USP16: variants seen among roughly 807,000 people sequenced by gnomAD.
USP16 encodes the protein ubiquitin carboxyl-terminal hydrolase 16.
Under a neutral mutation model 95.9 loss-of-function variants are expected in USP16, and 77 were observed. That is an observed-to-expected ratio of 0.80 (90% confidence interval 0.67 to 0.97). The LOEUF (loss-of-function observed/expected upper bound fraction) is 0.97, where lower values mean the gene tolerates loss of function less well. Among genes scored for constraint, USP16 ranks in the 50% least tolerant of loss-of-function variants. The probability of loss-of-function intolerance (pLI) is 0.00; values close to 1 mark genes in which losing one functional copy is unlikely to be tolerated. For synonymous variants in USP16, 303 were observed against 318.2 expected, an observed-to-expected ratio of 0.95 and a Z score of 0.51; for missense variants, 943 against 959.9, an observed-to-expected ratio of 0.98 and a Z score of 0.23.
intron 14 of USP16, among the ~76,000 whole-genome samples, chr21:29,048,090 T>C (rs2146395855): frequency 6.8e-6 from 1 of 147,092 alleles, no homozygotes; most frequent in African/African-American, 2.6e-5. Flanking sequence ...TGTGTGTGTG[T>C]GTGTGTGTTT....
chr21:29,042,327 G>T, intron 11 of USP16, 145 bp from the exon 12 acceptor site: 1 of 897,572 alleles, frequency 1.1e-6, no homozygotes. Flanking sequence ...CCTCAATGTT[G>T]TGTAATTTTT....
intron 8 of USP16, 44 bp downstream of exon 8, chr21:29,039,200 G>C: frequency 7.2e-7 from 1 of 1,394,200 alleles, no homozygotes; most frequent in Non-Finnish European, 9.3e-7. Context: ...TCAGTGAGAT[G>C]CTGAGAAATA....
Position 29,048,859 on chromosome 21 carries a change from C to T in USP16, c.2106+4C>T. 6.2e-7 allele frequency: 1 copy of T among 1,607,896 alleles called. No individual in the cohort carries two copies. The highest frequency in any genetic ancestry group is 8.5e-7 in the Non-Finnish European group (1 of 1,177,172). The stretch of plus-strand genomic sequence containing the variant: ...TCATTTAAAGAGATTTCAGCAGGTA[C>T]TCCTTGTTACCCAAAATTTGTTTTA... On this transcript the variant is annotated splice_donor_region_variant and intron_variant, in intron 15 of 17. Coordinates refer to ENST00000399976, the MANE Select transcript of USP16 (RefSeq NM_006447.3).
intron 4 of USP16, 56 bp downstream of exon 4, chr21:29,034,996 G>A (rs1345583396): frequency 2.5e-5 from 37 of 1,502,266 alleles, no homozygotes; most frequent in Non-Finnish European, 3.4e-5. Context: ...ATTAGAGAAT[G>A]GAAATGTTTA....
At chr21:29,033,464 G>A (rs977015232) in intron 3 of USP16, among the ~76,000 whole-genome samples, 6 of 152,238 alleles carry the variant, frequency 3.9e-5, no homozygotes, top group African/African-American at 1.2e-4. Flanking sequence ...ACGACCGGTT[G>A]TTGTACTGTG....
Position 29,049,094 on chromosome 21 carries a change from T to C in USP16, c.2106+239T>C, listed in dbSNP as rs1489456427. On this transcript the variant is annotated intron_variant, in intron 15 of 17. Coordinates refer to ENST00000399976, the MANE Select transcript of USP16 (RefSeq NM_006447.3). ...ATTTATGTCCCTCTTTTTAGTACGA[T>C]TGGCATCTTACTTTTATTTCAGGTT... Among the ~76,000 whole-genome samples the C allele has an allele frequency of 2.6e-5, 4 of 152,126 alleles. No individual in the cohort carries two copies. The East Asian group carries it at 7.7e-4, about 29-fold the overall frequency.
At chr21:29,030,840 T>A (rs1475033989) in intron 3 of USP16, 67 bp downstream of exon 3, 3 of 1,502,614 alleles carry the variant, frequency 2.0e-6, no homozygotes, top group African/African-American at 1.4e-5. Flanking sequence ...TAGAAGGTAT[T>A]ACCTGAAAGT....
intron 1 of USP16, among the ~76,000 whole-genome samples, chr21:29,025,189 A>G (rs2084968731): frequency 6.6e-6 from 1 of 152,186 alleles, no homozygotes; most frequent in South Asian, 2.1e-4. Context: ...GACTATATCT[A>G]GGAGGGGATT....
chr21:29,052,303 C>G (rs2085427794), intron 16 of USP16: 1 of 152,186 alleles, frequency 6.6e-6, no homozygotes, highest in Admixed American at 6.6e-5. Context: ...ACAAGATATA[C>G]TGGGCAAGAC....
At chr21:29,042,390 C>T (rs1400082949) in intron 11 of USP16, 82 bp from the exon 12 acceptor site, 8 of 1,355,058 alleles carry the variant, frequency 5.9e-6, no homozygotes, top group Non-Finnish European at 8.2e-6. Context: ...CCCCTACTCC[C>T]CATCCCACAG....
Position 29,024,766 on chromosome 21 carries a change from C to A in USP16, c.-53C>A, listed in dbSNP as rs1280378309. Reference sequence around the variant, plus strand: ...CCATGAGGGGATGCAGTTATGGGCTCTGTCGCCGTGGGTGAGTTCTGGTCC... The same window carrying A: ...CCATGAGGGGATGCAGTTATGGGCTATGTCGCCGTGGGTGAGTTCTGGTCC... On this transcript the variant is annotated 5_prime_UTR_variant, in exon 1 of 18. In the 5' UTR this introduces an upstream ATG that the reference lacks. Coordinates refer to ENST00000399976, the MANE Select transcript of USP16 (RefSeq NM_006447.3). 1 of 1,288,364 alleles carries A rather than the reference C, an allele frequency of 7.8e-7. No individual in the cohort carries two copies. The highest frequency in any genetic ancestry group is 1.2e-5 in the South Asian group (1 of 80,978). 79.8% of individuals were successfully genotyped at this position (1,288,364 alleles called of 1,614,324 possible).
Position 29,046,657 on chromosome 21 carries a change from T to C in USP16, c.1357-10T>C, listed in dbSNP as rs754774959. On this transcript the variant is annotated splice_polypyrimidine_tract_variant and intron_variant, in intron 13 of 17. Coordinates refer to ENST00000399976, the MANE Select transcript of USP16 (RefSeq NM_006447.3). Reference sequence around the variant, plus strand: ...TCTTTATTTTTTGATGCCGTATACTTTTTACCCAGAACCAACGAAGACAAC... The same window carrying C: ...TCTTTATTTTTTGATGCCGTATACTCTTTACCCAGAACCAACGAAGACAAC... 10 of 1,589,002 alleles carry C rather than the reference T, an allele frequency of 6.3e-6. No homozygotes were observed. Among genetic ancestry groups the C allele is most frequent in the Non-Finnish European group, 7.7e-6 (9 of 1,171,446 alleles).
chr21:29,033,787 G>A (rs1187944439), intron 3 of USP16, among the ~76,000 whole-genome samples: 1 of 152,136 alleles, frequency 6.6e-6, no homozygotes, highest in Non-Finnish European at 1.5e-5. Flanking sequence ...AGGAATTCAT[G>A]CCATGTTTTA....
At position 29,039,068 on chromosome 21, in the gene USP16, T is replaced by A; in HGVS notation, c.775T>A (p.Leu259Ile). 3 of 1,586,470 alleles carry A rather than the reference T, an allele frequency of 1.9e-6. No homozygotes were observed. The highest frequency in any genetic ancestry group is 2.6e-6 in the Non-Finnish European group (3 of 1,164,734). Residue 259 changes from leucine (L) to isoleucine (I), a missense_variant, in exon 8 of 18, where the codon TTA becomes ATA. Leu to Ile is a conservative substitution (Grantham distance 5, BLOSUM62 2). Transcript: ENST00000399976. ...CCTTGAGCCTCCAGGCCCTCTTACT[T>A]TAGCCATGAGCCAGTTTCTTAATGA... ...INLEPPGPLT[L>I]AMSQFLNEMQ... is the part of the protein sequence containing the mutation.
In USP16 at chr21:29,048,780, C is replaced by T; in HGVS notation, c.2031C>T (p.Tyr677=). The T allele has an allele frequency of 6.2e-7, 1 of 1,613,684 alleles. No homozygotes were observed. The highest frequency in any genetic ancestry group is 1.7e-5 in the Admixed American group (1 of 59,990). ...CTTTAGGTGAAAGGAAGCATGTTTACACCAATGCCAAAAAGCAGATGCTAA... is the reference window on the plus strand; with the variant it reads ...CTTTAGGTGAAAGGAAGCATGTTTATACCAATGCCAAAAAGCAGATGCTAA... ...ANIKGERKHV[Y]TNAKKQMLIS... is the part of the protein sequence containing the mutation. The change falls in exon 15 of 18, where the codon TAC becomes TAT. Residue 677 remains tyrosine, a synonymous_variant. Coordinates refer to ENST00000399976, the MANE Select transcript of USP16 (RefSeq NM_006447.3).
chr21:29,050,016 C>G, intron 15 of USP16, 76 bp from the exon 16 acceptor site: 1 of 1,290,876 alleles, frequency 7.7e-7, no homozygotes, highest in Non-Finnish European at 1.1e-6. Flanking sequence ...TTTTGGACGT[C>G]GGAGGGGACT....
At chr21:29,034,608 C>T (rs1380102239) in intron 3 of USP16, among the ~76,000 whole-genome samples, 1 of 152,012 alleles carries the variant, frequency 6.6e-6, no homozygotes, top group East Asian at 1.9e-4. Flanking sequence ...TGAGCCACCG[C>T]GCCTAGCGAG....
rs766459264 is a variant in USP16 at position 29,039,587 on chromosome 21, T to C, written c.951+19T>C. On this transcript the variant is annotated intron_variant, in intron 9 of 17. Transcript: ENST00000399976. Reference sequence around the variant, plus strand: ...ACACCAAGTTAGCATGTTATGACCATTGTATTTTATGATCTTATCTTCATA... The same window carrying C: ...ACACCAAGTTAGCATGTTATGACCACTGTATTTTATGATCTTATCTTCATA... The C allele has an allele frequency of 6.2e-7, 1 of 1,603,780 alleles. No individual in the cohort carries two copies. The highest frequency in any genetic ancestry group is 1.1e-5 in the South Asian group (1 of 90,392).
rs1357615549 is a variant in USP16 at position 29,046,844 on chromosome 21, C to G, written c.1534C>G (p.Gln512Glu). 1.9e-6 allele frequency: 3 copies of G among 1,613,814 alleles called. No individual in the cohort carries two copies. Among genetic ancestry groups the G allele is most frequent in the Non-Finnish European group, 2.5e-6 (3 of 1,179,990 alleles). Residue 512 changes from glutamine (Q) to glutamate (E), a missense_variant, in exon 14 of 18, where the codon CAG (glutamine) becomes GAG (glutamate). Transcript: ENST00000399976. ...TATGCATAAAGAATATTGTGTCAAC[C>G]AGAAAGATTTGAATGGCCAAGCAAA... is the stretch of plus-strand genomic sequence containing the variant. Reference protein sequence around the residue: ...GVMHKEYCVNQKDLNGQAKMI... With the variant: ...GVMHKEYCVNEKDLNGQAKMI...
Sources: gnomAD v4.1 joint callset for allele counts (sites outside exome capture counted in the v4.1 genomes callset) on GRCh38, gnomAD v4.1.1 for gene constraint, MANE v1.5 for transcripts, NCBI Gene and HGNC (gene_info 2026-07-23, HGNC 2026-07-21) for gene names.